The following GRM8 variants were observed in gnomAD, a reference collection of about 807,000 sequenced individuals.
GRM8 encodes the protein glutamate metabotropic receptor 8.
Under a neutral mutation model 87.2 loss-of-function variants are expected in GRM8, and 47 were observed. The ratio of observed to expected loss-of-function variants is 0.54; its 90% CI spans 0.43 to 0.69. The LOEUF (loss-of-function observed/expected upper bound fraction) is 0.69. GRM8 is among the 30% of genes least tolerant of loss of function. The probability of loss-of-function intolerance (pLI) is 0.00; values close to 1 mark genes in which losing one functional copy is unlikely to be tolerated. For synonymous variants in GRM8, 396 were observed against 404.5 expected, an observed-to-expected ratio of 0.98 and a Z score of 0.25; for missense variants, 1,019 against 1,139.2, an observed-to-expected ratio of 0.89 and a Z score of 1.52.
chr7:126,903,706 T>G (rs200340702), intron 5 of GRM8, among the ~76,000 whole-genome samples: 8 of 143,266 alleles, frequency 5.6e-5, no homozygotes, highest in South Asian at 4.4e-4. Flanking sequence ...TATATATATA[T>G]GTATATGTGT....
chr7:127,097,241 A>G (rs772182433), intron 3 of GRM8, among the ~76,000 whole-genome samples: 2 of 152,200 alleles, frequency 1.3e-5, no homozygotes, highest in Admixed American at 6.5e-5. Flanking sequence ...TTGTCCTCAA[A>G]TCTCAACCCT....
At chr7:126,474,805 C>T (rs772008537) in intron 9 of GRM8, among the ~76,000 whole-genome samples, 28 of 152,102 alleles carry the variant, frequency 1.8e-4, no homozygotes, top group Admixed American at 1.1e-3. Flanking sequence ...GGGTTTTATC[C>T]CTGGGATGTA....
chr7:127,017,297 A>G (rs1815782199), intron 3 of GRM8, among the ~76,000 whole-genome samples: 1 of 152,054 alleles, frequency 6.6e-6, no homozygotes, highest in South Asian at 2.1e-4. Flanking sequence ...TCCATGAGTC[A>G]TGAGCACCAA....
intron 3 of GRM8, among the ~76,000 whole-genome samples, chr7:127,045,285 C>T (rs1337799962): frequency 6.7e-6 from 1 of 150,000 alleles, no homozygotes; most frequent in Admixed American, 6.6e-5. Flanking sequence ...TATTCTTTGC[C>T]CCTGTTTTCT....
intron 6 of GRM8, among the ~76,000 whole-genome samples, chr7:126,794,341 A>G (rs942937578): frequency 1.3e-5 from 2 of 152,092 alleles, no homozygotes; most frequent in African/African-American, 4.8e-5. Context: ...TCCCAGGTTT[A>G]GTGTCTCCAA....
chr7:127,099,419 A>G (rs2133005885), intron 3 of GRM8, among the ~76,000 whole-genome samples: 1 of 152,352 alleles, frequency 6.6e-6, no homozygotes, highest in East Asian at 1.9e-4. Context: ...TCTTGGAATT[A>G]CAAAGTGGGG....
intron 3 of GRM8, among the ~76,000 whole-genome samples, chr7:126,947,283 T>G (rs1214016754): frequency 5.9e-5 from 9 of 152,230 alleles, no homozygotes; most frequent in Non-Finnish European, 4.4e-5. Context: ...CATTAAGTAT[T>G]CTCCGTACTG....
At position 126,873,723 on chromosome 7, in the gene GRM8, A is replaced by G. The variant is rs374713519; in HGVS notation, c.1156+28819T>C. ...AAGTACCTGGCTTTACCTTTTCTAGAGTTTTCTTTGTCTTGAGCCATATTC... is the reference window on the plus strand; with the variant it reads ...AAGTACCTGGCTTTACCTTTTCTAGGGTTTTCTTTGTCTTGAGCCATATTC... On this transcript the variant is annotated intron_variant, in intron 6 of 10. Transcript: ENST00000339582. Among the ~76,000 whole-genome samples the G allele has an allele frequency of 1.6e-4, 25 of 152,172 alleles. No individual in the cohort carries two copies. In the East Asian group the frequency reaches 4.4e-3, roughly 27 times the overall value.
intron 3 of GRM8, among the ~76,000 whole-genome samples, chr7:126,954,161 A>T (rs147727188): frequency 2.0e-5 from 3 of 152,182 alleles, no homozygotes; most frequent in Non-Finnish European, 2.9e-5. Context: ...TCCAGATAAC[A>T]ATTCAGAAAA....
chr7:127,051,714 G>A (rs1819488928), intron 3 of GRM8, among the ~76,000 whole-genome samples: 2 of 23,636 alleles, frequency 8.5e-5, no homozygotes, highest in African/African-American at 1.7e-4. Flanking sequence ...TCAACACAGA[G>A]AAATCTCAAA....
intron 3 of GRM8, among the ~76,000 whole-genome samples, chr7:126,959,610 GA>G (rs964980819): frequency 6.6e-6 from 1 of 151,972 alleles, no homozygotes; most frequent in Non-Finnish European, 1.5e-5. Context: ...ACCTTCAAGG[GA>G]AAAAAATCTA....
chr7:127,139,623 A>G (rs2133260471), intron 2 of GRM8, among the ~76,000 whole-genome samples: 1 of 152,234 alleles, frequency 6.6e-6, no homozygotes, highest in South Asian at 2.1e-4. Flanking sequence ...ATAATCATCA[A>G]TCTCTCATCA....
chr7:126,927,554 A>G (rs1401854251), intron 3 of GRM8, among the ~76,000 whole-genome samples: 1 of 152,228 alleles, frequency 6.6e-6, no homozygotes, highest in Non-Finnish European at 1.5e-5. Flanking sequence ...AAAGTGGGAG[A>G]AGGGTATGAA....
At chr7:126,951,463 G>A (rs1157378395) in intron 3 of GRM8, among the ~76,000 whole-genome samples, 1 of 151,940 alleles carries the variant, frequency 6.6e-6, no homozygotes, top group Non-Finnish European at 1.5e-5. Context: ...CAATGATGAG[G>A]ATCCAAAATG....
rs1380903424 is a variant in GRM8, at chr7:126,533,863, T to C, written c.1519A>G (p.Arg507Gly). 2 of 1,613,466 alleles carry C rather than the reference T, an allele frequency of 1.2e-6. No homozygotes were observed. The highest frequency in any genetic ancestry group is 1.7e-6 in the Non-Finnish European group (2 of 1,179,596). ...LKVEDMQWAH[R>G]EHTHPASVCS... ...ACAGACGCCGGGTGAGTATGTTCTC[T>C]ATGAGCCCACTGCATGTCTTCCACC... Residue 507 changes from arginine (R) to glycine (G), a missense_variant, in exon 9 of 11, where the codon AGA becomes GGA. Arg to Gly is a moderately radical substitution (Grantham distance 125). Coordinates refer to ENST00000339582, the MANE Select transcript of GRM8 (RefSeq NM_000845.3).
chr7:127,185,596 C>T lies in GRM8; in HGVS notation c.510+57099G>A, dbSNP rs143208043. Among the ~76,000 whole-genome samples the T allele has an allele frequency of 8.8e-3, 1,334 of 151,938 alleles. 8 individuals carry two copies. The highest frequency in any genetic ancestry group is 0.014 in the Non-Finnish European group (973 of 67,940). The stretch of plus-strand genomic sequence containing the variant: ...AGATACAACACCAAAGCATAATCTA[C>T]GAAAAAAAATTGGTAAGTTGGATTT... On this transcript the variant is annotated intron_variant, in intron 2 of 10. Transcript: ENST00000339582.
intron 3 of GRM8, among the ~76,000 whole-genome samples, chr7:126,915,478 G>A (rs1803792686): frequency 6.6e-6 from 1 of 152,196 alleles, no homozygotes; most frequent in Non-Finnish European, 1.5e-5. Context: ...AGTATACACA[G>A]AATCACAACT....
intron 7 of GRM8, among the ~76,000 whole-genome samples, chr7:126,680,492 G>A (rs1004109481): frequency 5.3e-5 from 8 of 152,154 alleles, no homozygotes; most frequent in Non-Finnish European, 8.8e-5. Flanking sequence ...TACAGTGGAA[G>A]AAGTGCAGTA....
intron 7 of GRM8, among the ~76,000 whole-genome samples, chr7:126,665,932 T>C (rs1805715120): frequency 6.6e-6 from 1 of 152,098 alleles, no homozygotes; most frequent in African/African-American, 2.4e-5. Flanking sequence ...GTGATGACTT[T>C]GAAAGAGAGA....
Sources: allele counts gnomAD v4.1 joint callset (sites outside exome capture counted in the v4.1 genomes callset), GRCh38; gene constraint gnomAD v4.1.1; transcripts MANE v1.5; gene names NCBI Gene and HGNC (gene_info 2026-07-23, HGNC 2026-07-21).